CYSLTR2: variants seen among roughly 807,000 people sequenced by gnomAD.
The protein encoded by CYSLTR2 is G-protein coupled receptor GPCR21.
For synonymous variants in CYSLTR2, 179 were observed against 160.8 expected (o/e 1.11, Z -0.86); for missense variants, 398 against 411.9 (o/e 0.97, Z 0.29).
chr13:48,694,918 G>A (rs1202037352), intron 3 of CYSLTR2: 1 of 151,892 alleles, frequency 6.6e-6, no homozygotes, highest in Non-Finnish European at 1.5e-5. Flanking sequence ...AAAATTGCAG[G>A]GTATTCTGTT....
intron 1 of CYSLTR2, among the ~76,000 whole-genome samples, chr13:48,677,472 G>C (rs989865980): frequency 1.3e-5 from 2 of 152,152 alleles, no homozygotes; most frequent in Non-Finnish European, 2.9e-5. Flanking sequence ...AGAGAGCAAA[G>C]GTTACACAGC....
At chr13:48,673,737 G>C (rs1484799939) in intron 1 of CYSLTR2, among the ~76,000 whole-genome samples, 3 of 152,004 alleles carry the variant, frequency 2.0e-5, no homozygotes, top group Admixed American at 2.0e-4. Flanking sequence ...TTACATTTTG[G>C]TATGTTTTTG....
chr13:48,698,016 C>T (rs1954239511), intron 4 of CYSLTR2, among the ~76,000 whole-genome samples: 1 of 152,106 alleles, frequency 6.6e-6, no homozygotes, highest in Non-Finnish European at 1.5e-5. Flanking sequence ...TATGGGAGGA[C>T]TATGTGAAAA....
intron 1 of CYSLTR2, among the ~76,000 whole-genome samples, chr13:48,659,582 T>A (rs1395573011): frequency 6.6e-6 from 1 of 152,226 alleles, no homozygotes; most frequent in Non-Finnish European, 1.5e-5. Flanking sequence ...TTAATTTGAA[T>A]AAATGGGCTT....
Position 48,707,535 on chromosome 13 carries a change from G to T in CYSLTR2, c.718G>T (p.Val240Phe). The T allele has an allele frequency of 6.2e-7, 1 of 1,608,812 alleles. No homozygotes were observed. Among genetic ancestry groups the T allele is most frequent in the Non-Finnish European group, 8.5e-7 (1 of 1,180,004 alleles). Reference sequence around the variant, plus strand: ...GGAGGTCCCAGAATCGGGGCTGCGGGTTTCTCACAGGAAGGCACTGACCAC... The same window carrying T: ...GGAGGTCCCAGAATCGGGGCTGCGGTTTTCTCACAGGAAGGCACTGACCAC... Reference protein sequence around the residue: ...KVEVPESGLRVSHRKALTTII... With the variant: ...KVEVPESGLRFSHRKALTTII... Residue 240 changes from valine to phenylalanine, a missense_variant, in exon 5 of 5, where the codon GTT becomes TTT. Val to Phe is a conservative substitution (Grantham distance 50). Coordinates refer to ENST00000682523, the MANE Select transcript of CYSLTR2 (RefSeq NM_001308476.3).
intron 1 of CYSLTR2, among the ~76,000 whole-genome samples, chr13:48,673,433 C>CTTTTTTTTTTTTT (rs61699943): frequency 1.2e-3 from 58 of 48,324 alleles, no homozygotes; most frequent in Admixed American, 2.1e-3. Flanking sequence ...GTAACCCCGG[C>CTTTTTTTTTTTTT]TTTTTTTTTT....
chr13:48,684,628 TACA>T (rs1428156509), intron 1 of CYSLTR2, among the ~76,000 whole-genome samples: 1 of 152,042 alleles, frequency 6.6e-6, no homozygotes, highest in Non-Finnish European at 1.5e-5. Context: ...TCTCATATAA[TACA>T]ACAACTCTAT....
chr13:48,656,436 G>T (rs751917027), intron 1 of CYSLTR2, among the ~76,000 whole-genome samples: 5 of 152,102 alleles, frequency 3.3e-5, no homozygotes, highest in African/African-American at 7.2e-5. Context: ...TCACTCCAGT[G>T]CTCCTTTGGC....
At chr13:48,677,704 A>G (rs1342183217) in intron 1 of CYSLTR2, among the ~76,000 whole-genome samples, 1 of 152,162 alleles carries the variant, frequency 6.6e-6, no homozygotes, top group Non-Finnish European at 1.5e-5. Flanking sequence ...TTTCTCCAGC[A>G]ACAAACCTTT....
At chr13:48,706,121 C>T (rs778619050) in intron 4 of CYSLTR2, among the ~76,000 whole-genome samples, 6 of 151,784 alleles carry the variant, frequency 4.0e-5, no homozygotes, top group Admixed American at 6.6e-5. Context: ...CTCAGCCTCC[C>T]GGGTAGCAGA....
chr13:48,660,960 A>C (rs930676812), intron 1 of CYSLTR2, among the ~76,000 whole-genome samples: 3 of 152,162 alleles, frequency 2.0e-5, no homozygotes, highest in Non-Finnish European at 4.4e-5. Context: ...TTGCAATAAC[A>C]ACAGCTAACA....
intron 1 of CYSLTR2, among the ~76,000 whole-genome samples, chr13:48,677,347 C>T (rs1031352044): frequency 5.3e-5 from 8 of 152,044 alleles, no homozygotes; most frequent in African/African-American, 1.7e-4. Flanking sequence ...GACCAAAAAA[C>T]GACACCAGAG....
chr13:48,678,708 C>T (rs1953667315), intron 1 of CYSLTR2, among the ~76,000 whole-genome samples: 1 of 152,168 alleles, frequency 6.6e-6, no homozygotes, highest in African/African-American at 2.4e-5. Flanking sequence ...CAATCAGCAT[C>T]TTCTTCATAG....
chr13:48,673,277 A>G (rs1953493703), intron 1 of CYSLTR2, among the ~76,000 whole-genome samples: 1 of 151,962 alleles, frequency 6.6e-6, no homozygotes. Flanking sequence ...TGCTTTATGA[A>G]TCCGGGTGCT....
intron 3 of CYSLTR2, among the ~76,000 whole-genome samples, chr13:48,694,206 A>C (rs1042499285): frequency 5.3e-5 from 8 of 152,206 alleles, no homozygotes; most frequent in African/African-American, 1.9e-4. Flanking sequence ...AAGCTCACAA[A>C]GATAAGACAG....
intron 1 of CYSLTR2, among the ~76,000 whole-genome samples, chr13:48,654,437 T>C (rs1316349177): frequency 6.6e-6 from 1 of 152,196 alleles, no homozygotes; most frequent in Non-Finnish European, 1.5e-5. Context: ...GAATTCTTTG[T>C]AATCATAAAT....
At chr13:48,698,476 G>T (rs1475497887) in intron 4 of CYSLTR2, among the ~76,000 whole-genome samples, 3 of 152,178 alleles carry the variant, frequency 2.0e-5, no homozygotes. Context: ...AATGCTGAGA[G>T]ATTTTGTCAC....
intron 1 of CYSLTR2, among the ~76,000 whole-genome samples, chr13:48,689,289 G>A (rs953436151): frequency 2.1e-4 from 32 of 152,222 alleles, no homozygotes; most frequent in Admixed American, 5.2e-4. Flanking sequence ...TTTGGCTTTC[G>A]TTGCTCTTGC....
chr13:48,707,438 G>C lies in CYSLTR2; in HGVS notation c.621G>C (p.Val207=). 2 of 1,614,028 alleles carry C rather than the reference G, an allele frequency of 1.2e-6. No homozygotes were observed. Among genetic ancestry groups the C allele is most frequent in the Middle Eastern group, 1.6e-4 (1 of 6,062 alleles). Residue 207 remains valine, a synonymous_variant, in exon 5 of 5, where the codon GTG becomes GTC. Transcript: ENST00000682523. The stretch of plus-strand genomic sequence containing the variant: ...AGACCATGAACTATATTGCCTTGGT[G>C]GTGGGCTGCCTGCTGCCATTTTTCA... The part of the protein sequence containing the change: ...KLQTMNYIAL[V]VGCLLPFFTL...
Sources: gnomAD v4.1 joint callset for allele counts (sites outside exome capture counted in the v4.1 genomes callset) on GRCh38, gnomAD v4.1.1 for gene constraint, MANE v1.5 for transcripts, NCBI Gene and HGNC (gene_info 2026-07-23, HGNC 2026-07-21) for gene names.